Variants in EIF4G3 observed in about 807,000 individuals in gnomAD.
EIF4G3 encodes the protein eIF-4-gamma 3.
A neutral mutation model predicts 186.4 loss-of-function variants in EIF4G3; 34 were observed. That is an observed-to-expected ratio of 0.18 (90% CI 0.14 to 0.24). The LOEUF (loss-of-function observed/expected upper bound fraction) is 0.24, where lower values mean the gene tolerates loss of function less well. Among genes scored for constraint, EIF4G3 ranks in the 10% least tolerant of loss-of-function variants. The probability of loss-of-function intolerance (pLI) is 1.00; values close to 1 mark genes in which losing one functional copy is unlikely to be tolerated. For missense variants in EIF4G3, 1,536 were observed against 1,948.5 expected (o/e 0.79, Z 3.99); for synonymous variants, 673 against 679.5 (o/e 0.99, Z 0.15).
intron 19 of EIF4G3, among the ~76,000 whole-genome samples, chr1:20,882,215 A>ACACACACACAC (rs2082604815): frequency 2.9e-5 from 4 of 139,460 alleles, no homozygotes; most frequent in South Asian, 2.3e-4. Context: ...ACACACACAC[A>ACACACACACAC]AAATCATTTA....
intron 2 of EIF4G3, among the ~76,000 whole-genome samples, chr1:21,166,594 C>T (rs1271318308): frequency 1.3e-5 from 2 of 151,958 alleles, no homozygotes; most frequent in African/African-American, 4.8e-5. Context: ...AATGTGGTGG[C>T]GTGCACCTGT....
intron 4 of EIF4G3, among the ~76,000 whole-genome samples, chr1:21,006,362 A>C (rs2085083227): frequency 6.6e-6 from 1 of 152,218 alleles, no homozygotes; most frequent in African/African-American, 2.4e-5. Flanking sequence ...CATTTCAATA[A>C]TAATCAGAGC....
At chr1:20,876,265 A>C (rs1195493382) in intron 20 of EIF4G3, among the ~76,000 whole-genome samples, 4 of 143,908 alleles carry the variant, frequency 2.8e-5, no homozygotes, top group Non-Finnish European at 6.1e-5. Flanking sequence ...GGAGGGAGGG[A>C]GGCAGGCTCC....
chr1:20,825,251 G>GAAAAAAAAAAAA (rs71585786), intron 32 of EIF4G3, 53 bp from the exon 33 acceptor site: 36 of 231,678 alleles, frequency 1.6e-4, no homozygotes, highest in South Asian at 4.8e-4. Context: ...AGAAGAAACA[G>GAAAAAAAAAAAA]AAAAAAAAAA....
chr1:21,046,314 G>A (rs1027246056), intron 4 of EIF4G3, among the ~76,000 whole-genome samples: 1 of 152,192 alleles, frequency 6.6e-6, no homozygotes, highest in Non-Finnish European at 1.5e-5. Context: ...AGAGGACGAA[G>A]CTAGAAAGAA....
rs184751089 is a variant in EIF4G3 at position 20,852,908 on chromosome 1, G to C, written c.3551+652C>G. Among the ~76,000 whole-genome samples, 4 of 152,064 alleles carry C rather than the reference G, an allele frequency of 2.6e-5. No individual in the cohort carries two copies. The East Asian group carries it at 7.7e-4, about 29-fold the overall frequency. ...ATAATAATAATAAAAAGCCTGATGG[G>C]AGCATCGCTTGAGACCAGGAGTTCA... On this transcript the variant is annotated intron_variant, in intron 27 of 36. Transcript: ENST00000602326.
At chr1:20,813,321 T>G (rs2059627705) in intron 34 of EIF4G3, 82 bp from the exon 35 acceptor site, 1 of 976,900 alleles carries the variant, frequency 1.0e-6, no homozygotes, top group East Asian at 2.6e-5. Context: ...CCCAACACTT[T>G]GGGAGGCCGA....
intron 7 of EIF4G3, among the ~76,000 whole-genome samples, chr1:20,996,239 G>A (rs568506851): frequency 1.3e-5 from 2 of 152,228 alleles, no homozygotes; most frequent in South Asian, 4.1e-4. Flanking sequence ...TTTTACAGGT[G>A]AGAAAACTAA....
At chr1:20,819,094 T>C (rs1217642017) in intron 33 of EIF4G3, among the ~76,000 whole-genome samples, 2 of 152,114 alleles carry the variant, frequency 1.3e-5, no homozygotes, top group African/African-American at 4.8e-5. Context: ...CATGGCTCAA[T>C]ATTACAATTT....
chr1:20,981,458 G>A (rs1056079865), intron 8 of EIF4G3, among the ~76,000 whole-genome samples: 10 of 151,590 alleles, frequency 6.6e-5, no homozygotes, highest in African/African-American at 1.7e-4. Context: ...GTTTCGACCC[G>A]ACTGTATATA....
intron 2 of EIF4G3, 56 bp from the exon 3 acceptor site, chr1:21,089,269 G>A (rs2096097674): frequency 5.7e-6 from 4 of 706,384 alleles, no homozygotes; most frequent in Non-Finnish European, 1.1e-5. Flanking sequence ...AATAGTTAGA[G>A]AAAATTGCAA....
Position 21,070,572 on chromosome 1 carries a change from A to G in EIF4G3, c.-196+18566T>C, listed in dbSNP as rs542642505. Among the ~76,000 whole-genome samples, 64 of 152,016 alleles carry G rather than the reference A, an allele frequency of 4.2e-4. No homozygotes were observed. The South Asian group carries it at 4.4e-3, about 10-fold the overall frequency. On this transcript the variant is annotated intron_variant, in intron 3 of 36. Transcript: ENST00000602326. ...TACTTCATGGTGTAGATATAACTAC[A>G]TTCTTCTTAACTATTAATTTTTTAA...
At chr1:21,062,154 G>T (rs967711345) in intron 3 of EIF4G3, among the ~76,000 whole-genome samples, 1 of 151,526 alleles carries the variant, frequency 6.6e-6, no homozygotes, top group Non-Finnish European at 1.5e-5. Flanking sequence ...AAACTCCAGG[G>T]CTCAAGCAAT....
At chr1:21,139,407 A>G (rs2097301527) in intron 2 of EIF4G3, among the ~76,000 whole-genome samples, 1 of 152,056 alleles carries the variant, frequency 6.6e-6, no homozygotes, top group Admixed American at 6.6e-5. Context: ...GTAAGCTACA[A>G]TCTCACCACT....
In EIF4G3 at chr1:20,845,617, G is replaced by A. The variant is rs545916586; in HGVS notation, c.3888+3798C>T. Among the ~76,000 whole-genome samples, 20 of 152,092 alleles carry A rather than the reference G, an allele frequency of 1.3e-4. 1 individual carries two copies. In the South Asian group the frequency reaches 1.9e-3, roughly 14 times the overall value. On this transcript the variant is annotated intron_variant, in intron 29 of 36. Coordinates refer to ENST00000602326, the MANE Select transcript of EIF4G3 (RefSeq NM_001391906.1). ...GTGGAGCTTGCAGTGAGCCGAGATC[G>A]CGCCACTGCACTCCAGCCTGGGCAA...
intron 14 of EIF4G3, among the ~76,000 whole-genome samples, chr1:20,919,475 G>T (rs1295612596): frequency 1.3e-5 from 2 of 152,084 alleles, no homozygotes; most frequent in Non-Finnish European, 2.9e-5. Flanking sequence ...GTAGTGATGG[G>T]ATTACAGGTG....
chr1:20,862,321 G>A lies in EIF4G3; in HGVS notation c.3018C>T (p.Asp1006=), dbSNP rs1432772127. ...TTTTCTCCATCTGATTAAAGTACTG[G>A]TCCATACGTGGCTGCAAGAGACAAA... The part of the protein sequence containing the change: ...LDFEKAKPRM[D]QYFNQMEKIV... The change falls in exon 23 of 37, where the codon GAC becomes GAT. Residue 1006 remains aspartate (D), a synonymous_variant. Coordinates refer to ENST00000602326, the MANE Select transcript of EIF4G3 (RefSeq NM_001391906.1). 1.2e-6 allele frequency: 2 copies of A among 1,600,962 alleles called. No homozygotes were observed. Among genetic ancestry groups the A allele is most frequent in the South Asian group, 2.3e-5 (2 of 88,202 alleles).
At chr1:20,995,749 A>G (rs1558621006) in intron 7 of EIF4G3, among the ~76,000 whole-genome samples, 1 of 152,162 alleles carries the variant, frequency 6.6e-6, no homozygotes, top group Non-Finnish European at 1.5e-5. Context: ...CACCAAAATA[A>G]TTGTGGTCAA....
intron 7 of EIF4G3, 114 bp downstream of exon 7, chr1:20,997,487 T>C: frequency 9.7e-7 from 1 of 1,029,620 alleles, no homozygotes; most frequent in South Asian, 1.4e-5. Context: ...AAAGCTACTC[T>C]TGAAATGAGT....
Sources: gnomAD v4.1 joint callset for allele counts (sites outside exome capture counted in the v4.1 genomes callset) on GRCh38, gnomAD v4.1.1 for gene constraint, MANE v1.5 for transcripts, NCBI Gene and HGNC (gene_info 2026-07-23, HGNC 2026-07-21) for gene names.